COBL: variants seen among roughly 807,000 people sequenced by gnomAD.
COBL encodes the protein protein cordon-bleu.
A neutral mutation model predicts 98.8 loss-of-function variants in COBL; 51 were observed. That is an observed-to-expected ratio of 0.52 (90% CI 0.41 to 0.65). COBL has a LOEUF of 0.65. Among genes scored for constraint, COBL ranks in the 30% least tolerant of loss-of-function variants. COBL has a pLI of 0.00. For synonymous variants in COBL, 634 were observed against 651.7 expected, an observed-to-expected ratio of 0.97 and a Z score of 0.41; for missense variants, 1,617 against 1,617.5, an observed-to-expected ratio of 1.00 and a Z score of 0.01.
At chr7:51,247,460 A>T (rs1796355456) in intron 1 of COBL, among the ~76,000 whole-genome samples, 1 of 152,242 alleles carries the variant, frequency 6.6e-6, no homozygotes. Flanking sequence ...AGGAATTTTT[A>T]AAATCTTACA....
At chr7:51,153,527 T>C (rs966148928) in intron 5 of COBL, among the ~76,000 whole-genome samples, 14 of 152,254 alleles carry the variant, frequency 9.2e-5, no homozygotes, top group African/African-American at 2.4e-4. Flanking sequence ...GAAGATTTCA[T>C]TGTGACTGCT....
intron 7 of COBL, among the ~76,000 whole-genome samples, chr7:51,060,964 C>T (rs1018853190): frequency 2.0e-5 from 3 of 152,100 alleles, no homozygotes; most frequent in African/African-American, 4.8e-5. Context: ...TTAGGACTTC[C>T]CTTAGTAAGC....
chr7:51,298,224 C>T (rs1158694335), intron 1 of COBL, among the ~76,000 whole-genome samples: 1 of 152,240 alleles, frequency 6.6e-6, no homozygotes, highest in Non-Finnish European at 1.5e-5. Flanking sequence ...AGCCACTGTC[C>T]AGCCACTGCA....
chr7:51,168,353 T>C (rs1089283), intron 5 of COBL, among the ~76,000 whole-genome samples: 79,883 of 151,680 alleles, frequency 0.53, 22,338 homozygotes, highest in East Asian at 0.69. Flanking sequence ...GGAGAATCAC[T>C]TGAATCCAGA....
At chr7:51,114,591 T>G (rs1797114795) in intron 6 of COBL, among the ~76,000 whole-genome samples, 1 of 152,172 alleles carries the variant, frequency 6.6e-6, no homozygotes, top group Non-Finnish European at 1.5e-5. Context: ...AAATGATGTA[T>G]CTGCCATTCT....
chr7:51,082,340 G>A (rs561638152), intron 7 of COBL, among the ~76,000 whole-genome samples: 232 of 152,220 alleles, frequency 1.5e-3, no homozygotes, highest in Middle Eastern at 6.8e-3. Flanking sequence ...CGGTCCAAGC[G>A]CAGGCCCGAC....
At position 51,025,187 on chromosome 7, in the gene COBL, G is replaced by A; in HGVS notation, c.3690C>T (p.Thr1230=). 1 of 1,611,686 alleles carries A rather than the reference G, an allele frequency of 6.2e-7. No individual in the cohort carries two copies. Among genetic ancestry groups the A allele is most frequent in the African/African-American group, 1.3e-5 (1 of 74,872 alleles). ...PRTASRFSTG[T]LSNTADARQA... is the part of the protein sequence containing the mutation. ...GCCTTGCGTCTGCGGTGTTGCTGAG[G>A]GTGCCCGTGCTGAACCTGGAGGCCG... Residue 1230 remains threonine (T), a synonymous_variant, in exon 12 of 13, where the codon ACC becomes ACT. Transcript: ENST00000265136.
chr7:51,242,531 G>A (rs1193850997), intron 1 of COBL, among the ~76,000 whole-genome samples: 2 of 152,158 alleles, frequency 1.3e-5, no homozygotes, highest in African/African-American at 4.8e-5. Context: ...TATAAAAAAG[G>A]TGCCAGAAAG....
chr7:51,298,327 TG>T (rs1801609330), intron 1 of COBL, among the ~76,000 whole-genome samples: 1 of 152,250 alleles, frequency 6.6e-6, no homozygotes, highest in Admixed American at 6.5e-5. Flanking sequence ...TAGGGAGACT[TG>T]CTACGTAGCA....
intron 1 of COBL, among the ~76,000 whole-genome samples, chr7:51,240,015 C>T (rs1327403457): frequency 3.3e-5 from 5 of 152,174 alleles, no homozygotes; most frequent in Non-Finnish European, 5.9e-5. Context: ...CACTTATGGA[C>T]ACAATTTTGA....
intron 6 of COBL, among the ~76,000 whole-genome samples, chr7:51,086,503 G>C (rs1046249441): frequency 3.9e-5 from 6 of 151,952 alleles, no homozygotes; most frequent in Non-Finnish European, 8.8e-5. Context: ...CATAGGAATG[G>C]TGCCTGCAAC....
At chr7:51,183,111 G>A (rs996614080) in intron 5 of COBL, among the ~76,000 whole-genome samples, 3 of 152,148 alleles carry the variant, frequency 2.0e-5, no homozygotes, top group African/African-American at 7.2e-5. Flanking sequence ...AATTCTAACA[G>A]CAGAGGCTGC....
chr7:51,046,974 TA>T (rs1428622016), intron 7 of COBL, among the ~76,000 whole-genome samples: 3 of 152,212 alleles, frequency 2.0e-5, no homozygotes, highest in Admixed American at 6.5e-5. Context: ...AATCAAAATA[TA>T]GGATGTAAAC....
intron 5 of COBL, among the ~76,000 whole-genome samples, chr7:51,183,661 G>A (rs1216017333): frequency 1.3e-5 from 2 of 152,224 alleles, no homozygotes; most frequent in South Asian, 2.1e-4. Context: ...CAAGTTCAAT[G>A]ACTGATACTC....
chr7:51,314,621 AG>A (rs1803357725), intron 1 of COBL, among the ~76,000 whole-genome samples: 8 of 152,272 alleles, frequency 5.3e-5, no homozygotes, highest in Admixed American at 5.2e-4. Context: ...AAAAAATATA[AG>A]GATATTAACA....
intron 4 of COBL, among the ~76,000 whole-genome samples, chr7:51,186,728 T>A (rs1789559853): frequency 6.6e-6 from 1 of 152,194 alleles, no homozygotes; most frequent in African/African-American, 2.4e-5. Flanking sequence ...GATGGTCTAT[T>A]TTTAGAGGTG....
chr7:51,162,233 A>G (rs1010115565), intron 5 of COBL, among the ~76,000 whole-genome samples: 4 of 152,184 alleles, frequency 2.6e-5, no homozygotes, highest in Admixed American at 2.6e-4. Context: ...TGTCCCCACT[A>G]AGCCAGAGTC....
At chr7:51,216,979 C>T (rs375424580) in intron 2 of COBL, among the ~76,000 whole-genome samples, 226 of 152,352 alleles carry the variant, frequency 1.5e-3, no homozygotes, top group African/African-American at 5.2e-3. Context: ...AAGCAAGGAG[C>T]TACTGCATCC....
intron 6 of COBL, among the ~76,000 whole-genome samples, chr7:51,097,459 G>A (rs1266479811): frequency 1.3e-5 from 2 of 152,072 alleles, no homozygotes; most frequent in African/African-American, 4.8e-5. Flanking sequence ...TAACAATTAG[G>A]CAAGAAAAAG....
Sources: gnomAD v4.1 joint callset for allele counts (sites outside exome capture counted in the v4.1 genomes callset) on GRCh38, gnomAD v4.1.1 for gene constraint, MANE v1.5 for transcripts, NCBI Gene and HGNC (gene_info 2026-07-23, HGNC 2026-07-21) for gene names.